Variants in PCDH15 observed in about 807,000 individuals in gnomAD.
PCDH15 encodes protocadherin-15.
A neutral mutation model predicts 178.5 loss-of-function variants in PCDH15; 129 were observed. The observed-to-expected ratio is 0.72, with a 90% CI of 0.63 to 0.84. The LOEUF is 0.84. Ranked by LOEUF, PCDH15 falls within the 40% of genes least tolerant of loss-of-function variation. The pLI is 0.00. For missense variants in PCDH15, 2,230 were observed against 2,099.9 expected (o/e 1.06, Z -1.21); for synonymous variants, 800 against 732.0 (o/e 1.09, Z -1.50).
intron 1 of PCDH15, among the ~76,000 whole-genome samples, chr10:54,737,199 C>G (rs1308795022): frequency 6.6e-6 from 1 of 151,984 alleles, no homozygotes; most frequent in African/African-American, 2.4e-5. Flanking sequence ...ATTCGTTGCT[C>G]CAGGTGCTGG....
At chr10:54,382,915 A>G (rs1949411870) in intron 3 of PCDH15, among the ~76,000 whole-genome samples, 1 of 152,178 alleles carries the variant, frequency 6.6e-6, no homozygotes, top group South Asian at 2.1e-4. Flanking sequence ...ATTTAATGTC[A>G]AAAGATCTAT....
intron 2 of PCDH15, among the ~76,000 whole-genome samples, chr10:55,518,891 G>C (rs191801384): frequency 6.6e-6 from 1 of 151,880 alleles, no homozygotes; most frequent in East Asian, 2.0e-4. Flanking sequence ...TCAGGAGTTT[G>C]AGACCAGCCT....
chr10:55,056,686 G>A (rs1437416742), intron 2 of PCDH15, among the ~76,000 whole-genome samples: 2 of 151,022 alleles, frequency 1.3e-5, no homozygotes, highest in African/African-American at 2.4e-5. Flanking sequence ...AGGCTGGAGT[G>A]TAATGGTGTG....
intron 2 of PCDH15, among the ~76,000 whole-genome samples, chr10:55,090,972 G>A (rs770038184): frequency 6.6e-6 from 1 of 151,836 alleles, no homozygotes; most frequent in Non-Finnish European, 1.5e-5. Flanking sequence ...CTGCAGAACT[G>A]TGCTCCATGA....
At chr10:53,872,496 T>C (rs1415458894) in intron 26 of PCDH15, among the ~76,000 whole-genome samples, 1 of 152,190 alleles carries the variant, frequency 6.6e-6, no homozygotes, top group East Asian at 1.9e-4. Context: ...CTTTCTGCTT[T>C]ATCATAGAAG....
intron 1 of PCDH15, among the ~76,000 whole-genome samples, chr10:54,765,942 T>C (rs1164618402): frequency 6.6e-6 from 1 of 152,176 alleles, no homozygotes; most frequent in East Asian, 1.9e-4. Flanking sequence ...TGATCTTTAA[T>C]GTTAGGATTT....
chr10:53,858,642 G>T (rs1395546027), intron 27 of PCDH15, among the ~76,000 whole-genome samples: 1 of 152,146 alleles, frequency 6.6e-6, no homozygotes, highest in African/African-American at 2.4e-5. Context: ...TAAGACAGGA[G>T]TAGGTCTGAT....
chr10:53,994,212 A>C (rs2091704393), intron 21 of PCDH15, among the ~76,000 whole-genome samples: 1 of 152,236 alleles, frequency 6.6e-6, no homozygotes, highest in Non-Finnish European at 1.5e-5. Flanking sequence ...GGAAGTAATA[A>C]ATTTACTGTC....
intron 2 of PCDH15, among the ~76,000 whole-genome samples, chr10:55,031,878 A>T (rs1840620216): frequency 6.6e-6 from 1 of 152,148 alleles, no homozygotes; most frequent in Admixed American, 6.5e-5. Flanking sequence ...GTTCTTTATA[A>T]ATTACCCAGT....
chr10:54,143,461 T>A (rs1292490728), intron 14 of PCDH15, among the ~76,000 whole-genome samples: 2 of 152,156 alleles, frequency 1.3e-5, no homozygotes, highest in East Asian at 3.9e-4. Flanking sequence ...TTCTTTGGTG[T>A]TCGTGAAAAG....
chr10:54,774,030 TTTTTTTTTTTTTTTTTG>T (rs1949409057), intron 1 of PCDH15, among the ~76,000 whole-genome samples: 1 of 70,392 alleles, frequency 1.4e-5, no homozygotes, highest in African/African-American at 6.6e-5. Context: ...TTTTTTTTTT[TTTTTTTTTTTTTTTTTG>T]AGACGGAGTC....
chr10:55,421,098 A>G (rs1838609813), intron 2 of PCDH15, among the ~76,000 whole-genome samples: 2 of 151,586 alleles, frequency 1.3e-5, no homozygotes, highest in South Asian at 4.1e-4. Context: ...GGGGGTCTAA[A>G]CCCAACTGAT....
At chr10:54,777,680 T>C (rs1949853286) in intron 1 of PCDH15, among the ~76,000 whole-genome samples, 1 of 152,140 alleles carries the variant, frequency 6.6e-6, no homozygotes, top group Admixed American at 6.6e-5. Flanking sequence ...TACTGTACAT[T>C]TCCATATAAA....
chr10:54,721,848 ACTC>A (rs767651956), intron 1 of PCDH15, among the ~76,000 whole-genome samples: 13 of 151,690 alleles, frequency 8.6e-5, no homozygotes, highest in Non-Finnish European at 1.2e-4. Flanking sequence ...AGGAGGAAAG[ACTC>A]CTCCTTCTCT....
intron 2 of PCDH15, among the ~76,000 whole-genome samples, chr10:55,346,012 A>C (rs939199941): frequency 5.3e-5 from 8 of 152,036 alleles, no homozygotes; most frequent in Admixed American, 1.3e-4. Context: ...AGACTATTTC[A>C]AAAAAAACTC....
intron 2 of PCDH15, 35 bp downstream of exon 2, chr10:54,664,137 G>T (rs752665119): frequency 6.8e-7 from 1 of 1,479,004 alleles, no homozygotes; most frequent in Non-Finnish European, 9.4e-7. Flanking sequence ...AAAAATCCTG[G>T]CTCGCTCTAA....
intron 3 of PCDH15, among the ~76,000 whole-genome samples, chr10:54,835,137 T>C (rs546922668): frequency 1.3e-5 from 2 of 152,100 alleles, no homozygotes; most frequent in Non-Finnish European, 2.9e-5. Context: ...CACTCAATAA[T>C]AATATTATGT....
At chr10:55,062,743 G>A (rs1841465447) in intron 2 of PCDH15, among the ~76,000 whole-genome samples, 1 of 152,078 alleles carries the variant, frequency 6.6e-6, no homozygotes. Context: ...GACTTTGGGT[G>A]ATAACGAAGT....
Position 54,971,998 on chromosome 10 carries a change from G to A in PCDH15, c.-79-74498C>T, listed in dbSNP as rs568075963. Reference sequence around the variant, plus strand: ...TCGATTCCCTGATGTCATTAACTACGGATACAAACACAATCAAGAAGGAAA... The same window carrying A: ...TCGATTCCCTGATGTCATTAACTACAGATACAAACACAATCAAGAAGGAAA... On this transcript the variant is annotated intron_variant, in intron 2 of 5. Coordinates refer to the PCDH15 transcript ENST00000458638. Among the ~76,000 whole-genome samples, 186 of 152,180 alleles carry A rather than the reference G, an allele frequency of 1.2e-3. 1 individual carries two copies. Among genetic ancestry groups the A allele is most frequent in the African/African-American group, 4.0e-3 (165 of 41,526 alleles).
Sources: allele counts gnomAD v4.1 joint callset (sites outside exome capture counted in the v4.1 genomes callset), GRCh38; gene constraint gnomAD v4.1.1; transcripts MANE v1.5; gene names NCBI Gene and HGNC (gene_info 2026-07-23, HGNC 2026-07-21).